Variants in SLC35F3 observed in about 807,000 individuals in gnomAD.
The protein encoded by SLC35F3 is putative thiamine transporter SLC35F3.
A neutral mutation model predicts 49.9 loss-of-function variants in SLC35F3; 25 were observed. The ratio of observed to expected loss-of-function variants is 0.50; its 90% CI spans 0.37 to 0.70. The LOEUF is 0.70. Among genes scored for constraint, SLC35F3 ranks in the 30% least tolerant of loss-of-function variants. The pLI is 0.00. For synonymous variants in SLC35F3, 275 were observed against 265.4 expected (o/e 1.04, Z -0.35); for missense variants, 525 against 639.8 (o/e 0.82, Z 1.94).
chr1:234,247,720 T>C (rs1008995066), intron 3 of SLC35F3, among the ~76,000 whole-genome samples: 12 of 151,708 alleles, frequency 7.9e-5, no homozygotes, highest in African/African-American at 2.9e-4. Context: ...GGTTGGCTGG[T>C]CCATTGTTTG....
intron 3 of SLC35F3, among the ~76,000 whole-genome samples, chr1:234,278,480 ACT>A (rs1668249727): frequency 6.7e-6 from 1 of 150,070 alleles, no homozygotes; most frequent in South Asian, 2.1e-4. Context: ...ACAGAGCGAG[ACT>A]CTGTTTCAAA....
intron 2 of SLC35F3, among the ~76,000 whole-genome samples, chr1:234,147,086 G>T (rs1666008229): frequency 6.6e-6 from 1 of 152,120 alleles, no homozygotes; most frequent in African/African-American, 2.4e-5. Context: ...TGAGTAATCT[G>T]CTTTCTTTCT....
chr1:234,082,282 C>T (rs935560464), intron 2 of SLC35F3, among the ~76,000 whole-genome samples: 3 of 152,138 alleles, frequency 2.0e-5, no homozygotes, highest in African/African-American at 4.8e-5. Context: ...AGAAGTACAT[C>T]AAATGGCTTT....
intron 3 of SLC35F3, among the ~76,000 whole-genome samples, chr1:234,249,803 A>G (rs767892872): frequency 2.0e-5 from 3 of 152,236 alleles, no homozygotes; most frequent in Non-Finnish European, 4.4e-5. Flanking sequence ...AATAACTCAG[A>G]CAGACCTCTG....
chr1:234,312,548 A>G (rs1298932533), intron 4 of SLC35F3, among the ~76,000 whole-genome samples: 1 of 152,136 alleles, frequency 6.6e-6, no homozygotes, highest in East Asian at 1.9e-4. Flanking sequence ...TGAGCCCAGC[A>G]TGGGGGAAGA....
chr1:234,070,405 A>G (rs1432709326), intron 2 of SLC35F3, among the ~76,000 whole-genome samples: 2 of 152,186 alleles, frequency 1.3e-5, no homozygotes, highest in Non-Finnish European at 2.9e-5. Context: ...CTTTTAAATA[A>G]TTTACTTTTC....
chr1:233,961,488 G>A (rs1239384684), intron 2 of SLC35F3, among the ~76,000 whole-genome samples: 1 of 118,600 alleles, frequency 8.4e-6, no homozygotes, highest in Non-Finnish European at 1.6e-5. Context: ...ACAAAGTCTC[G>A]CTTTGTCCTC....
At chr1:234,285,866 A>G (rs944832992) in intron 3 of SLC35F3, among the ~76,000 whole-genome samples, 1 of 152,220 alleles carries the variant, frequency 6.6e-6, no homozygotes, top group Non-Finnish European at 1.5e-5. Flanking sequence ...TGGAGAAAGA[A>G]GAGTTGAAAG....
intron 2 of SLC35F3, among the ~76,000 whole-genome samples, chr1:234,093,412 G>GT (rs1375141832): frequency 6.6e-6 from 1 of 152,158 alleles, no homozygotes; most frequent in Non-Finnish European, 1.5e-5. Flanking sequence ...AGTCCTCACC[G>GT]TATCTCCCAG....
intron 2 of SLC35F3, among the ~76,000 whole-genome samples, chr1:234,128,643 G>A (rs961076634): frequency 5.9e-5 from 9 of 152,204 alleles, no homozygotes; most frequent in Non-Finnish European, 1.0e-4. Flanking sequence ...GTAAGAAAGG[G>A]CATTCCAGGC....
chr1:234,181,850 A>G lies in SLC35F3; in HGVS notation c.284-49567A>G, dbSNP rs76031023. ...TGGTTCTGTGTATTTTCATCACAAAATACATATTGTCTGGTTATCTGTTTA... is the reference window on the plus strand; with the variant it reads ...TGGTTCTGTGTATTTTCATCACAAAGTACATATTGTCTGGTTATCTGTTTA... On this transcript the variant is annotated intron_variant, in intron 2 of 7. Coordinates refer to ENST00000366618, the MANE Select transcript of SLC35F3 (RefSeq NM_173508.4). Among the ~76,000 whole-genome samples the G allele has an allele frequency of 3.6e-3, 547 of 152,280 alleles. 3 individuals carry two copies. Among genetic ancestry groups the G allele is most frequent in the African/African-American group, 0.012 (517 of 41,562 alleles).
At chr1:234,321,603 T>C (rs1267590109) in intron 7 of SLC35F3, among the ~76,000 whole-genome samples, 1 of 152,240 alleles carries the variant, frequency 6.6e-6, no homozygotes, top group Admixed American at 6.5e-5. Flanking sequence ...TTGTCTTCTA[T>C]AGAAACTTCC....
intron 2 of SLC35F3, among the ~76,000 whole-genome samples, chr1:233,909,884 G>C (rs1661846543): frequency 6.6e-6 from 1 of 152,230 alleles, no homozygotes; most frequent in South Asian, 2.1e-4. Flanking sequence ...CTGTTGCCCA[G>C]TAATGCTAAA....
At chr1:233,991,713 A>G (rs1346995713) in intron 2 of SLC35F3, among the ~76,000 whole-genome samples, 1 of 152,210 alleles carries the variant, frequency 6.6e-6, no homozygotes, top group Non-Finnish European at 1.5e-5. Flanking sequence ...AGGAAGCTCA[A>G]CAACTAACAT....
chr1:234,250,710 G>A (rs1048165561), intron 3 of SLC35F3, among the ~76,000 whole-genome samples: 1 of 148,670 alleles, frequency 6.7e-6, no homozygotes, highest in East Asian at 2.0e-4. Context: ...GGATATACAA[G>A]AAGCATGGTG....
intron 3 of SLC35F3, among the ~76,000 whole-genome samples, chr1:234,282,823 G>C (rs1029328769): frequency 1.3e-5 from 2 of 152,156 alleles, no homozygotes; most frequent in Admixed American, 1.3e-4. Context: ...CAGTGTGCCA[G>C]GCCACCATCC....
intron 2 of SLC35F3, among the ~76,000 whole-genome samples, chr1:234,138,365 G>A (rs944153631): frequency 1.3e-5 from 2 of 152,134 alleles, no homozygotes; most frequent in Admixed American, 1.3e-4. Context: ...GCCCATTCTG[G>A]CAGAGGAGGA....
chr1:234,074,394 A>G (rs989882906), intron 2 of SLC35F3, among the ~76,000 whole-genome samples: 1 of 152,246 alleles, frequency 6.6e-6, no homozygotes, highest in Non-Finnish European at 1.5e-5. Context: ...GAGTATGTCA[A>G]GTATAAGAGG....
chr1:234,041,755 T>C lies in SLC35F3; in HGVS notation c.283+135997T>C, dbSNP rs1000317889. ...ATTATATTCTATTACACCTGTGATT[T>C]TTACGGAGGCACAGTTTCCATTATA... On this transcript the variant is annotated intron_variant, in intron 2 of 7. Transcript: ENST00000366618. Among the ~76,000 whole-genome samples the C allele has an allele frequency of 3.9e-5, 6 of 152,304 alleles. No homozygotes were observed. The East Asian group carries it at 1.2e-3, about 29-fold the overall frequency.
Sources: allele counts gnomAD v4.1 joint callset (sites outside exome capture counted in the v4.1 genomes callset), GRCh38; gene constraint gnomAD v4.1.1; transcripts MANE v1.5; gene names NCBI Gene and HGNC (gene_info 2026-07-23, HGNC 2026-07-21).